CRIPT: variants seen among roughly 807,000 people sequenced by gnomAD.
The protein encoded by CRIPT is cysteine-rich PDZ-binding protein.
In CRIPT, 20 loss-of-function variants were observed where a neutral mutation model predicts 16.6. The observed-to-expected ratio is 1.20, with a 90% CI of 0.85 to 1.75. The LOEUF (loss-of-function observed/expected upper bound fraction) is 1.75. Ranked by LOEUF, CRIPT falls within the 40% of genes most tolerant of loss-of-function variation. CRIPT has a pLI of 0.00. For synonymous variants in CRIPT, 42 were observed against 37.0 expected (o/e 1.14, Z -0.49); for missense variants, 133 against 115.3 (o/e 1.15, Z -0.70).
intron 1 of CRIPT, among the ~76,000 whole-genome samples, chr2:46,617,643 A>G (rs1215696791): frequency 6.6e-6 from 1 of 152,130 alleles, no homozygotes; most frequent in Non-Finnish European, 1.5e-5. Context: ...CTATTCATGT[A>G]AGAAGTATTG....
intron 3 of CRIPT, among the ~76,000 whole-genome samples, chr2:46,621,922 C>G (rs1307711544): frequency 6.6e-6 from 1 of 152,150 alleles, no homozygotes; most frequent in Non-Finnish European, 1.5e-5. Flanking sequence ...TTCCTTTATG[C>G]TCTCAAACTT....
chr2:46,623,868 G>A lies in CRIPT; in HGVS notation c.241+1G>A, dbSNP rs767570879. On this transcript the variant is annotated splice_donor_variant, in intron 4 of 4. Coordinates refer to ENST00000238892, the MANE Select transcript of CRIPT (RefSeq NM_014171.6). LOFTEE classifies it high-confidence loss of function. Reference sequence around the variant, plus strand: ...TGCCAGGGCTGTGCCTACAAAAAAGGTAAGTTTCTTTTAATACCGTTTTCT... The same window carrying A: ...TGCCAGGGCTGTGCCTACAAAAAAGATAAGTTTCTTTTAATACCGTTTTCT... The A allele has an allele frequency of 1.4e-5, 22 of 1,592,754 alleles. No individual in the cohort carries two copies. The highest frequency in any genetic ancestry group is 2.7e-5 in the African/African-American group (2 of 73,804).
chr2:46,630,052 T>G lies in CRIPT; in HGVS notation c.*5825T>G, dbSNP rs915166822. On this transcript the variant is annotated 3_prime_UTR_variant, in exon 5 of 5. Coordinates refer to ENST00000238892, the MANE Select transcript of CRIPT (RefSeq NM_014171.6). ...TTTTTCTGAGCCATTTGAATATTCC[T>G]TACTAGATGTGGTGCCTCTTTACCC... Among the ~76,000 whole-genome samples the G allele has an allele frequency of 6.6e-6, 1 of 152,198 alleles. No homozygotes were observed. Among genetic ancestry groups the G allele is most frequent in the Non-Finnish European group, 1.5e-5 (1 of 68,028 alleles).
intron 3 of CRIPT, among the ~76,000 whole-genome samples, chr2:46,623,311 G>C (rs1393500932): frequency 1.3e-5 from 2 of 152,138 alleles, no homozygotes; most frequent in Admixed American, 6.5e-5. Context: ...TGATGCTTGA[G>C]GTGTGGAGTT....
At chr2:46,620,853 C>G (rs960295421) in intron 3 of CRIPT, among the ~76,000 whole-genome samples, 5 of 151,542 alleles carry the variant, frequency 3.3e-5, no homozygotes, top group Non-Finnish European at 5.9e-5. Context: ...ACTTCTTTTT[C>G]CTTCCGTCTT....
rs1225998421 is a variant in CRIPT, at chr2:46,626,102, C to T, written c.*1875C>T. ...TTTTTCACCCCTTCCCTCCCCTCTT[C>T]CCTCCAGTAGTCCCCTATGTCTGTT... is the stretch of plus-strand genomic sequence containing the variant. On this transcript the variant is annotated 3_prime_UTR_variant, in exon 5 of 5. Coordinates refer to ENST00000238892, the MANE Select transcript of CRIPT (RefSeq NM_014171.6). Among the ~76,000 whole-genome samples the T allele has an allele frequency of 6.6e-6, 1 of 152,118 alleles. No individual in the cohort carries two copies. The highest frequency in any genetic ancestry group is 6.5e-5 in the Admixed American group (1 of 15,286).
At position 46,624,567 on chromosome 2, in the gene CRIPT, G is replaced by T. The variant is rs1363197592; in HGVS notation, c.*340G>T. On this transcript the variant is annotated 3_prime_UTR_variant, in exon 5 of 5. Transcript: ENST00000238892. ...CTGCAAAAGTGAGAAGGAGATAATA[G>T]ATACTTTGCTCTGAATTTGGCATCC... 2 of 163,820 alleles carry T rather than the reference G, an allele frequency of 1.2e-5. No homozygotes were observed. The highest frequency in any genetic ancestry group is 2.6e-5 in the Non-Finnish European group (2 of 75,948). The allele number at this position is 163,820 out of a possible 1,614,324, so 10.1% of individuals were successfully genotyped here. A position where few individuals can be genotyped will look rare whatever the true frequency, so the allele number is the denominator to read the frequency against.
rs1670950103 is a variant in CRIPT at position 46,626,823 on chromosome 2, G to A, written c.*2596G>A. ...TTTTAATGGGTTTTTGTTTGTGTGT[G>A]TGTATTTTTGTTTTTGTTTTTGTTT... is the stretch of plus-strand genomic sequence containing the variant. On this transcript the variant is annotated 3_prime_UTR_variant, in exon 5 of 5. Coordinates refer to ENST00000238892, the MANE Select transcript of CRIPT (RefSeq NM_014171.6). Among the ~76,000 whole-genome samples the A allele has an allele frequency of 6.6e-6, 1 of 151,682 alleles. No individual in the cohort carries two copies. Among genetic ancestry groups the A allele is most frequent in the Admixed American group, 6.6e-5 (1 of 15,212 alleles).
chr2:46,623,928 G>T, intron 4 of CRIPT, 61 bp downstream of exon 4: 2 of 1,237,400 alleles, frequency 1.6e-6, no homozygotes, highest in Non-Finnish European at 2.3e-6. Context: ...TGCTAATTTG[G>T]TTAACAGAAA....
chr2:46,618,417 T>C (rs1670720513), intron 1 of CRIPT, among the ~76,000 whole-genome samples: 1 of 152,228 alleles, frequency 6.6e-6, no homozygotes, highest in Admixed American at 6.5e-5. Context: ...CTGTAATCCC[T>C]TTAAAATTGT....
intron 4 of CRIPT, 95 bp from the exon 5 acceptor site, chr2:46,624,068 T>A (rs1670876919): frequency 1.5e-6 from 1 of 655,644 alleles, no homozygotes; most frequent in East Asian, 3.2e-5. Context: ...TTTTCTTTCC[T>A]GATGCTGTTA....
chr2:46,617,440 C>G (rs113439250), intron 1 of CRIPT, 142 bp downstream of exon 1: 1 of 928,536 alleles, frequency 1.1e-6, no homozygotes, highest in Non-Finnish European at 1.6e-6. Context: ...TACCCTTTGA[C>G]CATTTTTGCA....
rs1312206975 is a variant in CRIPT, at chr2:46,625,052, C to G, written c.*825C>G. ...TAAATAGAGCAAACATCTTGACTCTCCCTTTTTAAAATTTGTTTGTTTTTT... is the reference window on the plus strand; with the variant it reads ...TAAATAGAGCAAACATCTTGACTCTGCCTTTTTAAAATTTGTTTGTTTTTT... On this transcript the variant is annotated 3_prime_UTR_variant, in exon 5 of 5. Transcript: ENST00000238892. 6.7e-6 allele frequency: 1 copy of G among 148,406 alleles called. No individual in the cohort carries two copies. Among genetic ancestry groups the G allele is most frequent in the Non-Finnish European group, 1.5e-5 (1 of 67,514 alleles). The allele number at this position is 148,406 out of a possible 1,614,324, so 9.2% of individuals were successfully genotyped here.
chr2:46,622,369 C>CAA (rs1239573643), intron 3 of CRIPT, among the ~76,000 whole-genome samples: 111 of 73,776 alleles, frequency 1.5e-3, no homozygotes, highest in African/African-American at 5.4e-3. Flanking sequence ...GACTCCGTCT[C>CAA]AAAAAAAAAA....
rs1396459095 is a variant in CRIPT at position 46,624,495 on chromosome 2, T to A, written c.*268T>A. On this transcript the variant is annotated 3_prime_UTR_variant, in exon 5 of 5. Coordinates refer to ENST00000238892, the MANE Select transcript of CRIPT (RefSeq NM_014171.6). Reference sequence around the variant, plus strand: ...TTCTCAGTTCTGTATGCACTTTTATTTAACATTATTCATATAATTCTCCCC... The same window carrying A: ...TTCTCAGTTCTGTATGCACTTTTATATAACATTATTCATATAATTCTCCCC... 2.4e-5 allele frequency: 6 copies of A among 249,264 alleles called. No homozygotes were observed. Among genetic ancestry groups the A allele is most frequent in the Non-Finnish European group, 4.6e-5 (6 of 131,224 alleles). 15.4% of individuals were successfully genotyped at this position (249,264 alleles called of 1,614,324 possible).
chr2:46,623,726 G>C, intron 3 of CRIPT, 38 bp from the exon 4 acceptor site: 1 of 1,149,406 alleles, frequency 8.7e-7, no homozygotes, highest in Non-Finnish European at 1.3e-6. Context: ...TGTTTCTAGT[G>C]TAATATACAA....
intron 3 of CRIPT, among the ~76,000 whole-genome samples, chr2:46,621,265 C>T (rs1281255116): frequency 2.0e-5 from 3 of 152,180 alleles, no homozygotes; most frequent in Non-Finnish European, 4.4e-5. Flanking sequence ...CCCACCTCTC[C>T]GGCTTCGTAT....
chr2:46,624,071 T>C, intron 4 of CRIPT, 92 bp from the exon 5 acceptor site: 2 of 665,686 alleles, frequency 3.0e-6, no homozygotes, highest in Middle Eastern at 3.6e-4. Context: ...TCTTTCCTGA[T>C]GCTGTTAAAT....
At chr2:46,620,033 T>TA (rs1670763185) in intron 3 of CRIPT, among the ~76,000 whole-genome samples, 1 of 152,214 alleles carries the variant, frequency 6.6e-6, no homozygotes. Context: ...TGTCTAGCCT[T>TA]ATGACCTTAA....
Sources: gnomAD v4.1 joint callset for allele counts (sites outside exome capture counted in the v4.1 genomes callset) on GRCh38, gnomAD v4.1.1 for gene constraint, MANE v1.5 for transcripts, NCBI Gene and HGNC (gene_info 2026-07-23, HGNC 2026-07-21) for gene names.